Variants in CLVS2 observed in about 807,000 individuals in gnomAD.
The protein encoded by CLVS2 is clavesin 2, also known as clavesin-2.
Under a neutral mutation model 29.0 loss-of-function variants are expected in CLVS2, and 19 were observed. The ratio of observed to expected loss-of-function variants is 0.66; its 90% CI spans 0.46 to 0.96. The LOEUF (loss-of-function observed/expected upper bound fraction) is 0.96. Among genes scored for constraint, CLVS2 ranks in the 40% least tolerant of loss-of-function variants. The pLI is 0.00. For synonymous variants in CLVS2, 161 were observed against 151.3 expected (o/e 1.06, Z -0.47); for missense variants, 294 against 404.1 (o/e 0.73, Z 2.34).
At chr6:123,046,683 T>C (rs2114352457) in intron 3 of CLVS2, among the ~76,000 whole-genome samples, 1 of 151,522 alleles carries the variant, frequency 6.6e-6, no homozygotes, top group Non-Finnish European at 1.5e-5. Context: ...ATAATAATAA[T>C]AATCACTTGA....
At chr6:123,026,363 C>T (rs1445743104) in intron 3 of CLVS2, among the ~76,000 whole-genome samples, 2 of 151,988 alleles carry the variant, frequency 1.3e-5, no homozygotes, top group Non-Finnish European at 2.9e-5. Flanking sequence ...TTCAAAGAGA[C>T]ATGATATATG....
chr6:123,048,810 A>C, intron 4 of CLVS2, 78 bp downstream of exon 4: 1 of 878,000 alleles, frequency 1.1e-6, no homozygotes, highest in Non-Finnish European at 1.9e-6. Context: ...ATATAATGTT[A>C]GCTATAGTAA....
chr6:123,044,698 G>C (rs941319818), intron 3 of CLVS2, among the ~76,000 whole-genome samples: 3 of 152,126 alleles, frequency 2.0e-5, no homozygotes, highest in Non-Finnish European at 4.4e-5. Flanking sequence ...CTGGTAGAGG[G>C]ATGATTTCTA....
intron 2 of CLVS2, 125 bp from the exon 3 acceptor site, chr6:123,010,860 C>A: frequency 1.7e-6 from 1 of 579,554 alleles, no homozygotes; most frequent in East Asian, 3.2e-5. Context: ...GGTTTTTAAA[C>A]AAAATTATTT....
intron 2 of CLVS2, among the ~76,000 whole-genome samples, chr6:123,004,933 AAAAC>A (rs1354978977): frequency 1.1e-5 from 1 of 92,828 alleles, no homozygotes; most frequent in African/African-American, 5.1e-5. Context: ...AACAAAAACA[AAAAC>A]AAAAACAAAA....
intron 2 of CLVS2, among the ~76,000 whole-genome samples, chr6:123,002,739 A>G (rs563624971): frequency 7.2e-5 from 11 of 152,206 alleles, no homozygotes; most frequent in Non-Finnish European, 1.6e-4. Flanking sequence ...TTAATTTTTC[A>G]AGAATTCTTT....
At chr6:123,004,510 C>CTTA (rs1352070212) in intron 2 of CLVS2, among the ~76,000 whole-genome samples, 1 of 152,170 alleles carries the variant, frequency 6.6e-6, no homozygotes, top group African/African-American at 2.4e-5. Context: ...CTAAGGATGT[C>CTTA]TTATTGCTTT....
At chr6:123,051,632 G>A (rs1772613607) in intron 4 of CLVS2, among the ~76,000 whole-genome samples, 1 of 152,112 alleles carries the variant, frequency 6.6e-6, no homozygotes, top group South Asian at 2.1e-4. Context: ...TAGTCAATAT[G>A]GCCAATGTTG....
rs765143513 is a variant in CLVS2, at chr6:122,997,795, C to T, written c.18C>T (p.Ala6=). 1.4e-5 allele frequency: 23 copies of T among 1,613,732 alleles called. No individual in the cohort carries two copies. In the Admixed American group the frequency reaches 2.8e-4, roughly 20 times the overall value. The stretch of plus-strand genomic sequence containing the variant: ...GCAGAACAATGACTCATTTGCAAGC[C>T]GGTCTCTCCCCTGAGACCCTGGAGA... MTHLQ[A]GLSPETLEKA... The change falls in exon 2 of 6, where the codon GCC becomes GCT. Residue 6 remains alanine (A), a synonymous_variant. Coordinates refer to ENST00000275162, the MANE Select transcript of CLVS2 (RefSeq NM_001010852.4).
chr6:123,034,963 T>TCAG, intron 3 of CLVS2, among the ~76,000 whole-genome samples: 1 of 152,198 alleles, frequency 6.6e-6, no homozygotes, highest in East Asian at 1.9e-4. Context: ...AAATATACAG[T>TCAG]CAGCATCCCA....
chr6:123,028,867 G>T (rs1046955838), intron 3 of CLVS2, among the ~76,000 whole-genome samples: 15 of 151,918 alleles, frequency 9.9e-5, no homozygotes, highest in African/African-American at 3.4e-4. Context: ...TCAGTTTATC[G>T]TCAATGCTAG....
At chr6:123,041,774 T>C (rs950687893) in intron 3 of CLVS2, among the ~76,000 whole-genome samples, 4 of 152,094 alleles carry the variant, frequency 2.6e-5, no homozygotes, top group African/African-American at 9.7e-5. Flanking sequence ...ATTTAAACAA[T>C]AGCTGGCATT....
Position 123,066,854 on chromosome 6 carries a change from TTAAGGCCTTTATTTGA to T in CLVS2, c.*3094_*3109del, listed in dbSNP as rs1462519202. On this transcript the variant is annotated 3_prime_UTR_variant, in exon 6 of 6. Transcript: ENST00000275162. The stretch of plus-strand genomic sequence containing the variant: ...ATAGATATCATTTGAAGAAGGATAT[TTAAGGCCTTTATTTGA>T]ACATACTCATACAGTATTAAGTCTC... The T allele has an allele frequency of 6.6e-6, 1 of 151,456 alleles. No homozygotes were observed. Among genetic ancestry groups the T allele is most frequent in the Non-Finnish European group, 1.5e-5 (1 of 67,722 alleles). 9.4% of individuals were successfully genotyped at this position (151,456 alleles called of 1,614,324 possible). A position where few individuals can be genotyped will look rare whatever the true frequency, so the allele number is the denominator to read the frequency against.
chr6:123,014,425 C>T (rs868776436), intron 3 of CLVS2, among the ~76,000 whole-genome samples: 8 of 151,994 alleles, frequency 5.3e-5, no homozygotes, highest in Middle Eastern at 3.4e-3. Context: ...TATATATATT[C>T]ATACATGAAT....
rs144396915 is a variant in CLVS2 at position 123,062,503 on chromosome 6, C to G, written c.897-1171C>G. Among the ~76,000 whole-genome samples the G allele has an allele frequency of 2.9e-3, 440 of 152,018 alleles. 3 individuals carry two copies. The highest frequency in any genetic ancestry group is 3.5e-3 in the South Asian group (17 of 4,806). ...AGTCTTTTTTTTCCATGATAGGCAT[C>G]TAATGCCTATTTAATATTGAGATAA... On this transcript the variant is annotated intron_variant, in intron 5 of 5. Coordinates refer to ENST00000275162, the MANE Select transcript of CLVS2 (RefSeq NM_001010852.4).
chr6:123,035,215 T>G (rs1775135242), intron 3 of CLVS2, among the ~76,000 whole-genome samples: 2 of 152,106 alleles, frequency 1.3e-5, no homozygotes, highest in African/African-American at 4.8e-5. Context: ...TCTACCTATT[T>G]GTTAACTTTT....
At chr6:123,017,910 G>A (rs1401137163) in intron 3 of CLVS2, among the ~76,000 whole-genome samples, 1 of 151,988 alleles carries the variant, frequency 6.6e-6, no homozygotes, top group Non-Finnish European at 1.5e-5. Flanking sequence ...AAGTAAAATA[G>A]AGAAATGAGT....
chr6:123,071,325 A>T lies in CLVS2; in HGVS notation c.*7564A>T, dbSNP rs1293480238. 6.6e-6 allele frequency: 1 copy of T among 152,008 alleles called. No homozygotes were observed. Among genetic ancestry groups the T allele is most frequent in the African/African-American group, 2.4e-5 (1 of 41,440 alleles). The allele number at this position is 152,008 out of a possible 1,614,324, so 9.4% of individuals were successfully genotyped here. A position where few individuals can be genotyped will look rare whatever the true frequency, so the allele number is the denominator to read the frequency against. On this transcript the variant is annotated 3_prime_UTR_variant, in exon 6 of 6. Transcript: ENST00000275162. The stretch of plus-strand genomic sequence containing the variant: ...AAAGGGGAAATTTTACCCTCTCATG[A>T]TAATAGAATCATGAATCAAAAATGA...
At chr6:123,013,731 A>G (rs1169048982) in intron 3 of CLVS2, among the ~76,000 whole-genome samples, 1 of 151,924 alleles carries the variant, frequency 6.6e-6, no homozygotes, top group Non-Finnish European at 1.5e-5. Flanking sequence ...ACATATGTAT[A>G]CATGTGTCAT....
Sources: allele counts gnomAD v4.1 joint callset (sites outside exome capture counted in the v4.1 genomes callset), GRCh38; gene constraint gnomAD v4.1.1; transcripts MANE v1.5; gene names NCBI Gene and HGNC (gene_info 2026-07-23, HGNC 2026-07-21).